TBX4: variants seen among roughly 807,000 people sequenced by gnomAD.
The protein encoded by TBX4 is T-box transcription factor 4, also known as T-box transcription factor TBX4.
A neutral mutation model predicts 54.6 loss-of-function variants in TBX4; 13 were observed. The ratio of observed to expected loss-of-function variants is 0.24; its 90% confidence interval spans 0.15 to 0.38. The LOEUF is 0.38. Ranked by LOEUF, TBX4 falls within the 10% of genes least tolerant of loss-of-function variation. TBX4 has a pLI of 1.00. For missense variants in TBX4, 631 were observed against 728.5 expected (o/e 0.87, Z 1.54); for synonymous variants, 314 against 306.7 (o/e 1.02, Z -0.25).
intron 1 of TBX4, 131 bp from the exon 2 acceptor site, chr17:61,456,357 G>A: frequency 1.6e-6 from 2 of 1,248,248 alleles, no homozygotes. Context: ...AGCTCAGGAG[G>A]GGGCGGGGTC....
At chr17:61,453,969 A>AT (rs2060430354) in intron 1 of TBX4, among the ~76,000 whole-genome samples, 2 of 152,258 alleles carry the variant, frequency 1.3e-5, no homozygotes, top group Admixed American at 1.3e-4. Context: ...CAAAGCAAGA[A>AT]TAAAAAATTA....
At position 61,473,118 on chromosome 17, in the gene TBX4, A is replaced by C. The variant is rs76965169; in HGVS notation, c.549+5461A>C. ...CCTTAAATTATAAATTTACTTAGAG[A>C]AGACTGATAGGAAGGCTTTTCTATT... On this transcript the variant is annotated intron_variant, in intron 5 of 8. Coordinates refer to ENST00000644296, the MANE Select transcript of TBX4 (RefSeq NM_001321120.2). Among the ~76,000 whole-genome samples the C allele has an allele frequency of 9.7e-3, 1,473 of 152,282 alleles. 26 individuals carry two copies. The highest frequency in any genetic ancestry group is 0.033 in the African/African-American group (1,387 of 41,548).
rs558020529 is a variant in TBX4, at chr17:61,480,401, C to T, written c.1021+82C>T. 9 of 1,134,994 alleles carry T rather than the reference C, an allele frequency of 7.9e-6. No individual in the cohort carries two copies. The highest frequency in any genetic ancestry group is 3.1e-5 in the African/African-American group (2 of 64,686). 70.3% of individuals were successfully genotyped at this position (1,134,994 alleles called of 1,614,324 possible). ...CCGAAACCACTCTGCAGCGCCCCCCCCCCCAACACACACACACTCATCTCG... is the reference window on the plus strand; with the variant it reads ...CCGAAACCACTCTGCAGCGCCCCCCTCCCCAACACACACACACTCATCTCG... On this transcript the variant is annotated intron_variant, in intron 8 of 8. Transcript: ENST00000644296. This position sits in a 1 kb window ranked among gnomAD's most constrained non-coding sequence, Gnocchi z 6.2.
At chr17:61,452,791 T>G in intron 1 of TBX4, 2 of 521,122 alleles carry the variant, frequency 3.8e-6, no homozygotes, top group Non-Finnish European at 4.9e-6. Flanking sequence ...CACCCAGTAG[T>G]TGGGGCACGA....
rs1394562672 is a variant in TBX4 at position 61,459,841 on chromosome 17, C to A, written c.281+2210C>A. On this transcript the variant is annotated intron_variant, in intron 3 of 8. Transcript: ENST00000644296. This position sits in a 1 kb window ranked among gnomAD's most constrained non-coding sequence, Gnocchi z 4.8. ...TCTTAAGAAAATCACTAGTCTCATG[C>A]CCCCAACCCCTCACCCCTCACAGAC... 6.6e-6 allele frequency among the ~76,000 whole-genome samples: 1 copy of A among 151,836 alleles called. No homozygotes were observed. Among genetic ancestry groups the A allele is most frequent in the African/African-American group, 2.4e-5 (1 of 41,292 alleles).
Position 61,480,426 on chromosome 17 carries a change from G to A in TBX4, c.1021+107G>A, listed in dbSNP as rs1042175148. 13 of 1,013,404 alleles carry A rather than the reference G, an allele frequency of 1.3e-5. No individual in the cohort carries two copies. Among genetic ancestry groups the A allele is most frequent in the African/African-American group, 3.2e-5 (2 of 62,230 alleles). The allele number at this position is 1,013,404 out of a possible 1,614,324, so 62.8% of individuals were successfully genotyped here. ...CCCCCAACACACACACACTCATCTC[G>A]TGCTTGTGTGGCCTGGGAGAGTGGG... is the stretch of plus-strand genomic sequence containing the variant. On this transcript the variant is annotated intron_variant, in intron 8 of 8. Coordinates refer to ENST00000644296, the MANE Select transcript of TBX4 (RefSeq NM_001321120.2). This position sits in a 1 kb window ranked among gnomAD's most constrained non-coding sequence, Gnocchi z 6.2.
rs201011823 is a variant in TBX4, at chr17:61,478,787, C to A, written c.702+8C>A. 6.2e-7 allele frequency: 1 copy of A among 1,614,038 alleles called. No homozygotes were observed. Among genetic ancestry groups the A allele is most frequent in the African/African-American group, 1.3e-5 (1 of 75,018 alleles). On this transcript the variant is annotated splice_region_variant and intron_variant, in intron 6 of 8. Transcript: ENST00000644296. The surrounding 1 kb of genome is among the most constrained non-coding windows in gnomAD (Gnocchi z 7.4). ...TCCTACCAGAATCACAAGGTACAGC[C>A]ACTGCCCCACTGCCCCACAGCCCCA...
rs1462077235 is a variant in TBX4, at chr17:61,472,900, T to C, written c.549+5243T>C. 6.6e-6 allele frequency among the ~76,000 whole-genome samples: 1 copy of C among 152,088 alleles called. No individual in the cohort carries two copies. Among genetic ancestry groups the C allele is most frequent in the Non-Finnish European group, 1.5e-5 (1 of 68,024 alleles). On this transcript the variant is annotated intron_variant, in intron 5 of 8. Transcript: ENST00000644296. The surrounding 1 kb of genome is among the most constrained non-coding windows in gnomAD (Gnocchi z 4.5). ...TATTTCTGAACACTAAATCCCTATA[T>C]GAATGTGTGCCTGTTCACACGCCAG...
chr17:61,466,492 A>G (rs545848623), intron 4 of TBX4, among the ~76,000 whole-genome samples: 1 of 152,322 alleles, frequency 6.6e-6, no homozygotes, highest in South Asian at 2.1e-4. Flanking sequence ...AGGTAAAGGG[A>G]CAAAACCAAA....
At chr17:61,473,904 G>A (rs150365897) in intron 5 of TBX4, among the ~76,000 whole-genome samples, 2 of 152,342 alleles carry the variant, frequency 1.3e-5, no homozygotes, top group African/African-American at 4.8e-5. Context: ...AGGTTTGGAG[G>A]CCCCACGGTA....
In TBX4 at chr17:61,478,650, G is replaced by C. The variant is rs199562610; in HGVS notation, c.573G>C (p.Lys191Asn). 3 of 1,614,098 alleles carry C rather than the reference G, an allele frequency of 1.9e-6. No homozygotes were observed. Among genetic ancestry groups the C allele is most frequent in the Non-Finnish European group, 2.5e-6 (3 of 1,180,050 alleles). Residue 191 changes from lysine to asparagine, a missense_variant, in exon 6 of 9, where the codon AAG becomes AAC. Physicochemically the swap from Lys to Asn is moderately conservative, Grantham distance 94. Around this residue, in one of 3 missense-constraint regions of TBX4, gnomAD observed 154 missense variants for 238.6 expected, o/e 0.65. Transcript: ENST00000644296. The surrounding 1 kb of genome is among the most constrained non-coding windows in gnomAD (Gnocchi z 7.4). The stretch of plus-strand genomic sequence containing the variant: ...AGATCATCCTCAACTCTATGCACAA[G>C]TACCAGCCGCGGCTCCACATCGTTA... Reference protein sequence around the residue: ...FGHIILNSMHKYQPRLHIVKA... With the variant: ...FGHIILNSMHNYQPRLHIVKA...
intron 1 of TBX4, among the ~76,000 whole-genome samples, chr17:61,453,970 T>C (rs187973739): frequency 1.4e-4 from 21 of 152,244 alleles, no homozygotes; most frequent in African/African-American, 3.9e-4. Context: ...AAAGCAAGAA[T>C]AAAAAATTAC....
Position 61,457,056 on chromosome 17 carries a change from G to A in TBX4, c.186+380G>A, listed in dbSNP as rs2060456478. On this transcript the variant is annotated intron_variant, in intron 2 of 8. Transcript: ENST00000644296. The surrounding 1 kb of genome is among the most constrained non-coding windows in gnomAD (Gnocchi z 8.2). ...AGGAGGCCACCCCGCCGGTGCGCAC[G>A]GGAGCCGCTGCGGGGATCCGAGGCC... Among the ~76,000 whole-genome samples, 2 of 152,186 alleles carry A rather than the reference G, an allele frequency of 1.3e-5. No individual in the cohort carries two copies. Among genetic ancestry groups the A allele is most frequent in the African/African-American group, 4.8e-5 (2 of 41,450 alleles).
chr17:61,452,607 G>C (rs533867622), intron 1 of TBX4, 30 bp downstream of exon 1: 1 of 152,522 alleles, frequency 6.6e-6, no homozygotes, highest in Non-Finnish European at 1.5e-5. Context: ...GAGTGGGGAC[G>C]AGCTGGGCGT....
intron 4 of TBX4, among the ~76,000 whole-genome samples, chr17:61,466,399 C>T (rs756674281): frequency 3.9e-5 from 6 of 152,164 alleles, no homozygotes; most frequent in Admixed American, 6.5e-5. Flanking sequence ...GGCTTCAGGC[C>T]CCTCCAGCCA....
chr17:61,474,133 G>A lies in TBX4; in HGVS notation c.550-4494G>A, dbSNP rs911477995. On this transcript the variant is annotated intron_variant, in intron 5 of 8. Transcript: ENST00000644296. The surrounding 1 kb of genome is among the most constrained non-coding windows in gnomAD (Gnocchi z 4.6). The stretch of plus-strand genomic sequence containing the variant: ...TTTGTAGGGCTGGGGAGGATCAGAA[G>A]GATGATGGAGAAGGTAGTCACAGAA... Among the ~76,000 whole-genome samples, 1 of 152,216 alleles carries A rather than the reference G, an allele frequency of 6.6e-6. No individual in the cohort carries two copies. The highest frequency in any genetic ancestry group is 1.5e-5 in the Non-Finnish European group (1 of 68,034).
At position 61,480,989 on chromosome 17, in the gene TBX4, C is replaced by T. The variant is rs368360828; in HGVS notation, c.1021+670C>T. Reference sequence around the variant, plus strand: ...TGATTCGTGTTACTCCACCAGAAGACCTCATGGGGCTGCTGAAATTCCCTT... The same window carrying T: ...TGATTCGTGTTACTCCACCAGAAGATCTCATGGGGCTGCTGAAATTCCCTT... On this transcript the variant is annotated intron_variant, in intron 8 of 8. Transcript: ENST00000644296. The surrounding 1 kb of genome is among the most constrained non-coding windows in gnomAD (Gnocchi z 6.2). 6.6e-6 allele frequency among the ~76,000 whole-genome samples: 1 copy of T among 152,298 alleles called. No individual in the cohort carries two copies. The highest frequency in any genetic ancestry group is 1.9e-4 in the East Asian group (1 of 5,176).
intron 5 of TBX4, among the ~76,000 whole-genome samples, chr17:61,477,532 T>G (rs1250725480): frequency 6.6e-6 from 1 of 152,228 alleles, no homozygotes; most frequent in Non-Finnish European, 1.5e-5. Context: ...CCTTGGCACC[T>G]TGAACGCTTG....
chr17:61,452,599 G>A (rs1335768954), intron 1 of TBX4, 22 bp downstream of exon 1: 1 of 152,424 alleles, frequency 6.6e-6, no homozygotes, highest in Non-Finnish European at 1.5e-5. Flanking sequence ...TTCCAGCCGA[G>A]TGGGGACGAG....
Sources: allele counts gnomAD v4.1 joint callset (sites outside exome capture counted in the v4.1 genomes callset), GRCh38; gene constraint gnomAD v4.1.1; regional missense constraint gnomAD v4.1.1; non-coding constraint Gnocchi (gnomAD v3.1); transcripts MANE v1.5; gene names NCBI Gene and HGNC (gene_info 2026-07-23, HGNC 2026-07-21).